ADAMTS6: variants seen among roughly 807,000 people sequenced by gnomAD.
The protein encoded by ADAMTS6 is A disintegrin and metalloproteinase with thrombospondin motifs 6.
Under a neutral mutation model 144.3 loss-of-function variants are expected in ADAMTS6, and 23 were observed. The observed-to-expected ratio is 0.16, with a 90% CI of 0.11 to 0.23. The LOEUF (loss-of-function observed/expected upper bound fraction) is 0.23. ADAMTS6 is among the 10% of genes least tolerant of loss of function. The pLI is 1.00. For synonymous variants in ADAMTS6, 444 were observed against 457.5 expected, an observed-to-expected ratio of 0.97 and a Z score of 0.38; for missense variants, 999 against 1,379.6, an observed-to-expected ratio of 0.72 and a Z score of 4.37.
At position 65,376,524 on chromosome 5, in the gene ADAMTS6, T is replaced by G. The variant is rs1292234161; in HGVS notation, c.1074-42439A>C. 2.5e-4 allele frequency among the ~76,000 whole-genome samples: 38 copies of G among 152,010 alleles called. 1 individual carries two copies. Among genetic ancestry groups the G allele is most frequent in the Admixed American group, 2.5e-3 (38 of 15,262 alleles). ...TAGTTAGTTCCCCAAATTCATATAT[T>G]CACATGCACTTAAAACAGCTTTACA... On this transcript the variant is annotated intron_variant, in intron 7 of 24. Coordinates refer to ENST00000381055, the MANE Select transcript of ADAMTS6 (RefSeq NM_197941.4).
rs556548728 is a variant in ADAMTS6 at position 65,390,458 on chromosome 5, G to A, written c.1074-56373C>T. ...TTACAAAGCTTCAGGACAGAAGGGA[G>A]CTTTCAAAGCAAGATACAACAGAAC... On this transcript the variant is annotated intron_variant, in intron 7 of 24. Transcript: ENST00000381055. 2.6e-5 allele frequency among the ~76,000 whole-genome samples: 4 copies of A among 152,304 alleles called. No homozygotes were observed. In the East Asian group the frequency reaches 5.8e-4, roughly 22 times the overall value.
chr5:65,375,053 C>T (rs1315573848), intron 7 of ADAMTS6, among the ~76,000 whole-genome samples: 1 of 152,070 alleles, frequency 6.6e-6, no homozygotes, highest in African/African-American at 2.4e-5. Context: ...AACTGGCTAG[C>T]CATATGTAGA....
At chr5:65,398,019 T>G (rs1456206687) in intron 7 of ADAMTS6, among the ~76,000 whole-genome samples, 1 of 152,166 alleles carries the variant, frequency 6.6e-6, no homozygotes, top group Non-Finnish European at 1.5e-5. Flanking sequence ...CTTTTAAATT[T>G]GTTAAGATGT....
At chr5:65,160,327 A>G (rs1015231568) in intron 24 of ADAMTS6, among the ~76,000 whole-genome samples, 1 of 134,412 alleles carries the variant, frequency 7.4e-6, no homozygotes, top group Admixed American at 7.4e-5. Context: ...TTTTTTTTTG[A>G]GAGGAGTCTC....
At chr5:65,429,550 T>C (rs151307835) in intron 7 of ADAMTS6, among the ~76,000 whole-genome samples, 216 of 152,242 alleles carry the variant, frequency 1.4e-3, no homozygotes, top group African/African-American at 4.9e-3. Context: ...TAAACTTGTA[T>C]GCTTTCTTTT....
chr5:65,415,635 CG>C, intron 7 of ADAMTS6: 2 of 302,600 alleles, frequency 6.6e-6, no homozygotes, highest in Non-Finnish European at 1.3e-5. Context: ...TGATTTTTTT[CG>C]GGGGCTCTCT....
At chr5:65,332,271 G>A (rs1746804233) in intron 8 of ADAMTS6, among the ~76,000 whole-genome samples, 1 of 143,694 alleles carries the variant, frequency 7.0e-6, no homozygotes, top group African/African-American at 2.5e-5. Context: ...TATATATATA[G>A]GGAGAGACAG....
chr5:65,253,806 T>G (rs1044797540), intron 14 of ADAMTS6, among the ~76,000 whole-genome samples: 1 of 142,424 alleles, frequency 7.0e-6, no homozygotes, highest in African/African-American at 2.6e-5. Context: ...GCTTACAATA[T>G]TCAATCTTTT....
At chr5:65,231,597 G>C (rs1758253547) in intron 15 of ADAMTS6, among the ~76,000 whole-genome samples, 1 of 151,992 alleles carries the variant, frequency 6.6e-6, no homozygotes, top group Non-Finnish European at 1.5e-5. Flanking sequence ...AGCCCACACA[G>C]AAAATTTTCC....
intron 7 of ADAMTS6, among the ~76,000 whole-genome samples, chr5:65,410,650 A>T (rs1331627346): frequency 6.6e-6 from 1 of 152,098 alleles, no homozygotes; most frequent in Admixed American, 6.6e-5. Flanking sequence ...TCCAAATTGA[A>T]ATTTTGTGTC....
chr5:65,452,055 T>G, intron 6 of ADAMTS6, 78 bp downstream of exon 6: 1 of 1,123,960 alleles, frequency 8.9e-7, no homozygotes, highest in Non-Finnish European at 1.2e-6. Flanking sequence ...ATAAAACATA[T>G]TATTTAATAA....
At chr5:65,454,025 C>T (rs1188438522) in intron 4 of ADAMTS6, among the ~76,000 whole-genome samples, 1 of 152,154 alleles carries the variant, frequency 6.6e-6, no homozygotes, top group African/African-American at 2.4e-5. Context: ...TCTCCACCCT[C>T]ATGAAGGAAT....
At chr5:65,430,209 G>A (rs1291839110) in intron 7 of ADAMTS6, among the ~76,000 whole-genome samples, 1 of 150,064 alleles carries the variant, frequency 6.7e-6, no homozygotes, top group Non-Finnish European at 1.5e-5. Flanking sequence ...CACCATTGAA[G>A]GGCTGAGATA....
chr5:65,199,083 C>T (rs1755571117), intron 20 of ADAMTS6, among the ~76,000 whole-genome samples: 1 of 152,044 alleles, frequency 6.6e-6, no homozygotes, highest in Non-Finnish European at 1.5e-5. Flanking sequence ...AATATTTTGC[C>T]TCTATCAGGG....
rs1452474784 is a variant in ADAMTS6, at chr5:65,149,643, A to G, written c.*2193T>C. On this transcript the variant is annotated 3_prime_UTR_variant, in exon 25 of 25. Coordinates refer to ENST00000381055, the MANE Select transcript of ADAMTS6 (RefSeq NM_197941.4). ...CGGTAATAAGAAATCTTTTTGAAAT[A>G]AGAACATGAGCTGATATTTATGTTG... 2.0e-5 allele frequency: 3 copies of G among 152,674 alleles called. No homozygotes were observed. Among genetic ancestry groups the G allele is most frequent in the African/African-American group, 7.2e-5 (3 of 41,456 alleles). The allele number at this position is 152,674 out of a possible 1,614,324, so 9.5% of individuals were successfully genotyped here. A position where few individuals can be genotyped will look rare whatever the true frequency, so the allele number is the denominator to read the frequency against.
At chr5:65,269,105 C>A (rs1030595066) in intron 12 of ADAMTS6, among the ~76,000 whole-genome samples, 13 of 152,130 alleles carry the variant, frequency 8.5e-5, no homozygotes, top group African/African-American at 3.1e-4. Context: ...CTCTCTACTG[C>A]CAGCTAAGGC....
chr5:65,314,521 T>C (rs1207881769), intron 9 of ADAMTS6, among the ~76,000 whole-genome samples: 2 of 152,132 alleles, frequency 1.3e-5, no homozygotes, highest in East Asian at 3.9e-4. Context: ...CAATGACAGA[T>C]ACCCAACTAC....
At chr5:65,391,792 G>A (rs1041072499) in intron 7 of ADAMTS6, among the ~76,000 whole-genome samples, 1 of 150,930 alleles carries the variant, frequency 6.6e-6, no homozygotes, top group Non-Finnish European at 1.5e-5. Context: ...CTGGAATGCA[G>A]TAGCATGATC....
At chr5:65,449,966 G>A (rs1166550862) in intron 7 of ADAMTS6, among the ~76,000 whole-genome samples, 3 of 152,010 alleles carry the variant, frequency 2.0e-5, no homozygotes, top group Non-Finnish European at 1.5e-5. Context: ...GGGAAGACAG[G>A]GCTTTACAAA....
Sources: allele counts gnomAD v4.1 joint callset (sites outside exome capture counted in the v4.1 genomes callset), GRCh38; gene constraint gnomAD v4.1.1; transcripts MANE v1.5; gene names NCBI Gene and HGNC (gene_info 2026-07-23, HGNC 2026-07-21).